Variants in LPP observed in about 807,000 individuals in gnomAD.
LPP encodes lipoma-preferred partner.
LPP carries 38 observed loss-of-function variants against 60.4 expected under a neutral mutation model. The ratio of observed to expected loss-of-function variants is 0.63; its 90% CI spans 0.49 to 0.83. LPP has a LOEUF of 0.83. Ranked by LOEUF, LPP falls within the 40% of genes least tolerant of loss-of-function variation. The pLI is 0.00. For missense variants in LPP, 902 were observed against 783.6 expected (o/e 1.15, Z -1.80); for synonymous variants, 328 against 290.8 (o/e 1.13, Z -1.30).
At chr3:188,623,591 G>C (rs937884765) in intron 7 of LPP, among the ~76,000 whole-genome samples, 1 of 152,084 alleles carries the variant, frequency 6.6e-6, no homozygotes, top group Admixed American at 6.5e-5. Context: ...TTTTTACTGA[G>C]TCAGAAACTG....
At chr3:188,845,089 A>T (rs1208394424) in intron 9 of LPP, among the ~76,000 whole-genome samples, 1 of 152,246 alleles carries the variant, frequency 6.6e-6, no homozygotes, top group Non-Finnish European at 1.5e-5. Context: ...TGTGAGTTTG[A>T]AAATGCAGTT....
intron 4 of LPP, among the ~76,000 whole-genome samples, chr3:188,464,533 T>C (rs934572875): frequency 1.3e-5 from 2 of 152,254 alleles, no homozygotes; most frequent in African/African-American, 4.8e-5. Flanking sequence ...GAGAAGTAAG[T>C]AGTGAGGTGT....
At chr3:188,578,344 G>C (rs1192260593) in intron 6 of LPP, among the ~76,000 whole-genome samples, 1 of 151,804 alleles carries the variant, frequency 6.6e-6, no homozygotes, top group African/African-American at 2.4e-5. Context: ...AGGAGTTTGG[G>C]TCCCTAATAG....
intron 5 of LPP, among the ~76,000 whole-genome samples, chr3:188,497,210 C>G (rs768725185): frequency 6.6e-6 from 1 of 152,024 alleles, no homozygotes; most frequent in African/African-American, 2.4e-5. Flanking sequence ...CAGCCACTTC[C>G]TCTCTGAACT....
intron 6 of LPP, among the ~76,000 whole-genome samples, chr3:188,592,639 G>A (rs1352601723): frequency 6.8e-6 from 1 of 147,194 alleles, no homozygotes; most frequent in African/African-American, 2.5e-5. Flanking sequence ...CCACCTCTCG[G>A]GTTCAAGCAA....
intron 1 of LPP, chr3:188,178,844 G>C (rs1479498498): frequency 5.1e-6 from 1 of 196,498 alleles, no homozygotes; most frequent in Non-Finnish European, 1.1e-5. Flanking sequence ...TGTAATACTG[G>C]TCTCTGTTTA....
chr3:188,353,197 T>C (rs1006911881), intron 3 of LPP, among the ~76,000 whole-genome samples: 1 of 152,328 alleles, frequency 6.6e-6, no homozygotes, highest in African/African-American at 2.4e-5. Context: ...GAGCAGAAAT[T>C]GTGACTTAAA....
intron 6 of LPP, among the ~76,000 whole-genome samples, chr3:188,597,637 A>C (rs765128515): frequency 1.3e-5 from 2 of 152,140 alleles, no homozygotes; most frequent in Non-Finnish European, 2.9e-5. Context: ...AGAACCCTCT[A>C]TCATACTTAA....
chr3:188,837,386 A>ATAATAATAG (rs2151681694), intron 9 of LPP, among the ~76,000 whole-genome samples: 1 of 64,722 alleles, frequency 1.5e-5, no homozygotes, highest in South Asian at 7.6e-4. Flanking sequence ...CTCAAACATA[A>ATAATAATAG]TAATAATAAT....
At chr3:188,414,286 T>C (rs970783418) in intron 4 of LPP, among the ~76,000 whole-genome samples, 2 of 152,118 alleles carry the variant, frequency 1.3e-5, no homozygotes, top group Admixed American at 6.6e-5. Context: ...AAATCTTAAA[T>C]GTGAAAAAAT....
intron 2 of LPP, among the ~76,000 whole-genome samples, chr3:188,299,925 G>A (rs1270345794): frequency 1.3e-5 from 2 of 152,160 alleles, no homozygotes; most frequent in African/African-American, 2.4e-5. Context: ...TTGTTGAATG[G>A]CTCAGATGAG....
chr3:188,165,896 G>A (rs970301929), intron 1 of LPP, among the ~76,000 whole-genome samples: 1 of 152,154 alleles, frequency 6.6e-6, no homozygotes, highest in African/African-American at 2.4e-5. Flanking sequence ...AGGTGATCTC[G>A]TCTGCCCAGT....
rs1012097528 is a variant in LPP, at chr3:188,230,599, A to G, written c.-67+5072A>G. Reference sequence around the variant, plus strand: ...GGGAGTTCAAGACCAGACTGACCAAAATGGAGAAGCCTCATCTCTACTAGA... The same window carrying G: ...GGGAGTTCAAGACCAGACTGACCAAGATGGAGAAGCCTCATCTCTACTAGA... On this transcript the variant is annotated intron_variant, in intron 2 of 11. Transcript: ENST00000617246. 1.8e-4 allele frequency among the ~76,000 whole-genome samples: 27 copies of G among 151,880 alleles called. 1 individual carries two copies. The highest frequency in any genetic ancestry group is 2.9e-4 in the Non-Finnish European group (20 of 67,962).
At chr3:188,356,793 AAACT>A (rs1244394909) in intron 3 of LPP, among the ~76,000 whole-genome samples, 1 of 152,250 alleles carries the variant, frequency 6.6e-6, no homozygotes, top group African/African-American at 2.4e-5. Context: ...TAGTTTTAAT[AAACT>A]AACTTTCCAA....
intron 1 of LPP, among the ~76,000 whole-genome samples, chr3:188,174,466 A>G (rs1444356154): frequency 6.6e-6 from 1 of 152,250 alleles, no homozygotes; most frequent in Non-Finnish European, 1.5e-5. Flanking sequence ...GAACGCACGC[A>G]TGAGGCAGCA....
At chr3:188,187,252 G>A (rs1577181441) in intron 1 of LPP, among the ~76,000 whole-genome samples, 1 of 152,076 alleles carries the variant, frequency 6.6e-6, no homozygotes, top group Non-Finnish European at 1.5e-5. Flanking sequence ...TGATTTCTAG[G>A]TAAATATTGC....
chr3:188,812,342 A>C (rs181377670), intron 9 of LPP, among the ~76,000 whole-genome samples: 1 of 152,280 alleles, frequency 6.6e-6, no homozygotes, highest in East Asian at 1.9e-4. Context: ...GCAACCAAAG[A>C]ATTCCAAAAA....
chr3:188,876,068 A>G lies in LPP; in HGVS notation c.*1589A>G, dbSNP rs1012748046. The G allele has an allele frequency of 1.1e-5, 2 of 189,208 alleles. No homozygotes were observed. Among genetic ancestry groups the G allele is most frequent in the African/African-American group, 2.3e-5 (1 of 42,904 alleles). The allele number at this position is 189,208 out of a possible 1,614,324, so 11.7% of individuals were successfully genotyped here. A position where few individuals can be genotyped will look rare whatever the true frequency, so the allele number is the denominator to read the frequency against. On this transcript the variant is annotated 3_prime_UTR_variant, in exon 12 of 12. Transcript: ENST00000617246. ...ATAACAAGTATAATTACATCCTCCA[A>G]TGTACCGTTTCCTTATTCCACAGAT...
intron 8 of LPP, among the ~76,000 whole-genome samples, chr3:188,715,608 A>G (rs921643708): frequency 1.3e-4 from 20 of 152,194 alleles, no homozygotes; most frequent in African/African-American, 4.8e-4. Context: ...CAGCTAAAGG[A>G]AAGCAAAGTT....
Sources: gnomAD v4.1 joint callset for allele counts (sites outside exome capture counted in the v4.1 genomes callset) on GRCh38, gnomAD v4.1.1 for gene constraint, MANE v1.5 for transcripts, NCBI Gene and HGNC (gene_info 2026-07-23, HGNC 2026-07-21) for gene names.